The following IL1R2 variants were observed in gnomAD, a reference collection of about 807,000 sequenced individuals.
The protein encoded by IL1R2 is interleukin-1 receptor type 2.
IL1R2 carries 46 observed loss-of-function variants against 39.5 expected under a neutral mutation model. The ratio of observed to expected loss-of-function variants is 1.16; its 90% CI spans 0.92 to 1.49. The LOEUF is 1.49. Among genes scored for constraint, IL1R2 ranks in the 40% most tolerant of loss-of-function variants. The pLI is 0.00. For missense variants in IL1R2, 537 were observed against 502.0 expected, an observed-to-expected ratio of 1.07 and a Z score of -0.67; for synonymous variants, 207 against 189.6, an observed-to-expected ratio of 1.09 and a Z score of -0.75.
intron 1 of IL1R2, among the ~76,000 whole-genome samples, chr2:102,004,492 C>CCA (rs1398523952): frequency 2.0e-5 from 2 of 99,328 alleles, no homozygotes; most frequent in African/African-American, 6.1e-5. Context: ...GGTTATTTGA[C>CCA]AAAAAAAAAA....
chr2:102,003,786 C>A (rs1351675408), intron 1 of IL1R2, among the ~76,000 whole-genome samples: 2 of 35,250 alleles, frequency 5.7e-5, no homozygotes, highest in Non-Finnish European at 1.1e-4. Flanking sequence ...GTGTATATCT[C>A]TCTGTGTCTG....
At chr2:102,016,130 G>A (rs1461601891) in intron 4 of IL1R2, 79 bp downstream of exon 4, 5 of 1,162,670 alleles carry the variant, frequency 4.3e-6, no homozygotes, top group African/African-American at 3.1e-5. Context: ...TTAAAATATC[G>A]ATTTTCTGAA....
At chr2:102,008,690 C>T in intron 2 of IL1R2, 48 bp downstream of exon 2, 1 of 1,488,170 alleles carries the variant, frequency 6.7e-7, no homozygotes, top group Non-Finnish European at 9.4e-7. Flanking sequence ...TGTAGCTTCG[C>T]TGGGGAAAGA....
At position 102,028,414 on chromosome 2, in the gene IL1R2, C is replaced by A; in HGVS notation, c.*22C>A. The A allele has an allele frequency of 6.4e-7, 1 of 1,559,198 alleles. No individual in the cohort carries two copies. Among genetic ancestry groups the A allele is most frequent in the Non-Finnish European group, 8.7e-7 (1 of 1,144,642 alleles). ...GTGAAATAAATGGAATGAAATAATT[C>A]AAACACAAACTCCGTACGTCTTCTC... On this transcript the variant is annotated 3_prime_UTR_variant, in exon 9 of 9. Transcript: ENST00000332549.
intron 1 of IL1R2, among the ~76,000 whole-genome samples, chr2:102,000,032 C>T (rs917080812): frequency 3.3e-5 from 5 of 152,166 alleles, no homozygotes; most frequent in African/African-American, 7.2e-5. Flanking sequence ...ACAATACCGA[C>T]GAGTTCTCAG....
chr2:102,001,619 T>C (rs1396423224), intron 1 of IL1R2, among the ~76,000 whole-genome samples: 2 of 152,214 alleles, frequency 1.3e-5, no homozygotes, highest in Non-Finnish European at 1.5e-5. Context: ...GTTTTTGTTT[T>C]GAGCCAGCAC....
chr2:102,022,065 C>T (rs2150457550), intron 5 of IL1R2, 122 bp from the exon 6 acceptor site: 2 of 794,800 alleles, frequency 2.5e-6, no homozygotes, highest in Non-Finnish European at 4.3e-6. Context: ...CAAAGCCTGA[C>T]TCTCATAATG....
intron 1 of IL1R2, among the ~76,000 whole-genome samples, chr2:101,995,100 G>A (rs1449504994): frequency 2.0e-5 from 3 of 152,170 alleles, no homozygotes; most frequent in Non-Finnish European, 2.9e-5. Flanking sequence ...GGAATTCTGT[G>A]GAAGTAATTT....
chr2:102,013,567 GAAAAGAAGGAAAA>G (rs1676793085), intron 3 of IL1R2, among the ~76,000 whole-genome samples: 3 of 30,076 alleles, frequency 1.0e-4, no homozygotes, highest in South Asian at 1.1e-3. Context: ...AGAAAGAAAA[GAAAAGAAGGAAAA>G]GAAAAAGAAA....
chr2:102,018,860 T>C (rs904398332), intron 4 of IL1R2, among the ~76,000 whole-genome samples: 4 of 152,234 alleles, frequency 2.6e-5, no homozygotes, highest in Non-Finnish European at 5.9e-5. Flanking sequence ...CTCCTTTCAA[T>C]TAAATATGTT....
chr2:102,015,796 A>G, intron 3 of IL1R2, 75 bp from the exon 4 acceptor site: 6 of 1,180,138 alleles, frequency 5.1e-6, no homozygotes, highest in Non-Finnish European at 7.5e-6. Context: ...AGAGTTGGGG[A>G]AATGATGCTT....
chr2:102,022,003 G>C (rs1005012226), intron 5 of IL1R2, 184 bp from the exon 6 acceptor site: 1 of 594,672 alleles, frequency 1.7e-6, no homozygotes, highest in Non-Finnish European at 3.1e-6. Context: ...TGCTGGGAAA[G>C]TCATTGGCCA....
intron 2 of IL1R2, 110 bp downstream of exon 2, chr2:102,008,752 G>A (rs1676426239): frequency 1.1e-6 from 1 of 910,982 alleles, no homozygotes; most frequent in Non-Finnish European, 1.8e-6. Context: ...GCCGAGCTCG[G>A]TGGCTGCCGG....
chr2:102,022,260 C>A lies in IL1R2; in HGVS notation c.751+11C>A. On this transcript the variant is annotated intron_variant, in intron 6 of 8. Transcript: ENST00000332549. The stretch of plus-strand genomic sequence containing the variant: ...TATCAGCTTCTCTGGGTAAGGCCCA[C>A]AAGGACCATGCATTCCACGCACCTG... 1 of 1,610,642 alleles carries A rather than the reference C, an allele frequency of 6.2e-7. No homozygotes were observed. Among genetic ancestry groups the A allele is most frequent in the Non-Finnish European group, 8.5e-7 (1 of 1,176,772 alleles).
intron 1 of IL1R2, among the ~76,000 whole-genome samples, chr2:102,003,725 C>T (rs1455326282): frequency 6.7e-6 from 1 of 148,404 alleles, no homozygotes; most frequent in African/African-American, 2.5e-5. Flanking sequence ...TCTTTGTCCC[C>T]TGTCTGTGTC....
Position 102,022,196 on chromosome 2 carries a change from A to C in IL1R2, c.698A>C (p.Glu233Ala). 1 of 1,613,340 alleles carries C rather than the reference A, an allele frequency of 6.2e-7. No homozygotes were observed. The highest frequency in any genetic ancestry group is 8.5e-7 in the Non-Finnish European group (1 of 1,179,254). Residue 233 changes from glutamate (E) to alanine (A), a missense_variant, in exon 6 of 9, where the codon GAA (glutamate) becomes GCA (alanine). Physicochemically the swap from Glu to Ala is moderately radical, Grantham distance 107. Coordinates refer to ENST00000332549, the MANE Select transcript of IL1R2 (RefSeq NM_004633.4). ...SIELRIKKKK[E>A]ETIPVIISPL... ...CTTACATCTTTCTCAGAAAAAAAAG[A>C]AGAGACCATTCCTGTGATCATTTCC...
chr2:101,998,566 A>G (rs771925923), intron 1 of IL1R2, among the ~76,000 whole-genome samples: 16 of 152,222 alleles, frequency 1.1e-4, no homozygotes, highest in Admixed American at 3.3e-4. Flanking sequence ...CAACTAGGTG[A>G]TTCTTCTGCT....
Position 101,993,256 on chromosome 2 carries a change from C to T in IL1R2, c.-62+1245C>T, listed in dbSNP as rs555874147. Among the ~76,000 whole-genome samples, 7 of 152,204 alleles carry T rather than the reference C, an allele frequency of 4.6e-5. No homozygotes were observed. The East Asian group carries it at 7.7e-4, about 17-fold the overall frequency. On this transcript the variant is annotated intron_variant, in intron 1 of 8. Coordinates refer to ENST00000332549, the MANE Select transcript of IL1R2 (RefSeq NM_004633.4). ...TAGGGCTGCGGTGTGTCCCCAGAGG[C>T]GAACTGGCCTGGGTTCTGAGTCCAG...
chr2:102,018,381 C>T (rs1218239643), intron 4 of IL1R2, among the ~76,000 whole-genome samples: 2 of 152,172 alleles, frequency 1.3e-5, no homozygotes, highest in Non-Finnish European at 1.5e-5. Context: ...CAGCCGTGGC[C>T]GAGTGACTCC....
Sources: allele counts gnomAD v4.1 joint callset (sites outside exome capture counted in the v4.1 genomes callset), GRCh38; gene constraint gnomAD v4.1.1; transcripts MANE v1.5; gene names NCBI Gene and HGNC (gene_info 2026-07-23, HGNC 2026-07-21).